The following SIL1 variants were observed in gnomAD, a reference collection of about 807,000 sequenced individuals.
The protein encoded by SIL1 is nucleotide exchange factor SIL1.
Under a neutral mutation model 49.1 loss-of-function variants are expected in SIL1, and 40 were observed. That is an observed-to-expected ratio of 0.81 (90% CI 0.63 to 1.06). SIL1 has a LOEUF of 1.06. SIL1 is among the 50% of genes least tolerant of loss of function. The probability of loss-of-function intolerance (pLI) is 0.00; values close to 1 mark genes in which losing one functional copy is unlikely to be tolerated. For synonymous variants in SIL1, 253 were observed against 250.8 expected, an observed-to-expected ratio of 1.01 and a Z score of -0.08; for missense variants, 500 against 572.6, an observed-to-expected ratio of 0.87 and a Z score of 1.29.
At chr5:139,089,532 T>TAA (rs35828495) in intron 3 of SIL1, among the ~76,000 whole-genome samples, 1 of 151,708 alleles carries the variant, frequency 6.6e-6, no homozygotes, top group Non-Finnish European at 1.5e-5. Flanking sequence ...TTCTTTTTGT[T>TAA]AAAAAAGACA....
chr5:138,998,282 G>A (rs867658425), intron 7 of SIL1, among the ~76,000 whole-genome samples: 12 of 152,124 alleles, frequency 7.9e-5, no homozygotes, highest in Admixed American at 5.9e-4. Context: ...CCAGGCTCCA[G>A]TGATCCTCCT....
chr5:139,110,668 G>A lies in SIL1; in HGVS notation c.244+10367C>T, dbSNP rs75240276. On this transcript the variant is annotated intron_variant, in intron 3 of 9. Transcript: ENST00000394817. ...TCACAGAGCCCCTGCACACAAGGCTGTGCTTCATGTGGGCTCTTGACAGGC... is the reference window on the plus strand; with the variant it reads ...TCACAGAGCCCCTGCACACAAGGCTATGCTTCATGTGGGCTCTTGACAGGC... Among the ~76,000 whole-genome samples the A allele has an allele frequency of 3.2e-4, 48 of 152,380 alleles. No individual in the cohort carries two copies. In the East Asian group the frequency reaches 8.1e-3, roughly 26 times the overall value.
chr5:138,980,963 G>A (rs1767505062), intron 7 of SIL1, among the ~76,000 whole-genome samples: 2 of 152,186 alleles, frequency 1.3e-5, no homozygotes, highest in South Asian at 4.1e-4. Context: ...CCAGCACTTA[G>A]GGAGGCCGAG....
intron 3 of SIL1, among the ~76,000 whole-genome samples, chr5:139,118,686 G>A (rs1750535637): frequency 6.6e-6 from 1 of 152,166 alleles, no homozygotes; most frequent in Non-Finnish European, 1.5e-5. Context: ...GATGTGTTGG[G>A]AAGCTCCCAG....
At position 138,978,971 on chromosome 5, in the gene SIL1, T is replaced by C. The variant is rs890931577; in HGVS notation, c.768-27087A>G. On this transcript the variant is annotated intron_variant, in intron 7 of 9. Coordinates refer to ENST00000394817, the MANE Select transcript of SIL1 (RefSeq NM_022464.5). ...TAGATAAAAAGTCCCTTACCAGATA[T>C]ATGACTTGTAAAAATTTTCTCCCAT... 4.6e-5 allele frequency among the ~76,000 whole-genome samples: 7 copies of C among 152,334 alleles called. 1 individual carries two copies. Among genetic ancestry groups the C allele is most frequent in the East Asian group, 3.9e-4 (2 of 5,192 alleles).
chr5:139,049,434 C>A (rs536919041), intron 4 of SIL1, among the ~76,000 whole-genome samples: 6 of 152,246 alleles, frequency 3.9e-5, no homozygotes, highest in Non-Finnish European at 7.4e-5. Flanking sequence ...GCCTCGGCCT[C>A]CCAAAGTGCT....
At chr5:139,045,704 A>C (rs780253201) in intron 4 of SIL1, among the ~76,000 whole-genome samples, 1 of 152,188 alleles carries the variant, frequency 6.6e-6, no homozygotes, top group African/African-American at 2.4e-5. Context: ...TCTTCTCCTT[A>C]TAAGTCTGTC....
intron 1 of SIL1, among the ~76,000 whole-genome samples, chr5:139,153,850 C>T (rs1158946542): frequency 1.3e-5 from 2 of 152,158 alleles, no homozygotes; most frequent in Non-Finnish European, 1.5e-5. Flanking sequence ...TTTCCCAGTG[C>T]TCCTCTTTCC....
At chr5:139,043,850 G>A (rs1769097514) in intron 4 of SIL1, among the ~76,000 whole-genome samples, 1 of 152,200 alleles carries the variant, frequency 6.6e-6, no homozygotes, top group African/African-American at 2.4e-5. Flanking sequence ...TATGGAATGT[G>A]CTTAACAAGA....
intron 1 of SIL1, among the ~76,000 whole-genome samples, chr5:139,129,815 T>G (rs1750824821): frequency 6.6e-6 from 1 of 152,206 alleles, no homozygotes; most frequent in African/African-American, 2.4e-5. Flanking sequence ...GACCTTGGAT[T>G]TAGCACTGGT....
chr5:139,153,590 C>T (rs778986186), intron 1 of SIL1, among the ~76,000 whole-genome samples: 1 of 152,212 alleles, frequency 6.6e-6, no homozygotes, highest in Non-Finnish European at 1.5e-5. Context: ...CTTGCCTCCA[C>T]AGACCCCTCA....
chr5:139,144,088 G>C lies in SIL1; in HGVS notation c.-10-16235C>G, dbSNP rs1751146213. On this transcript the variant is annotated intron_variant, in intron 1 of 9. Transcript: ENST00000394817. ...CTTTCAAAATTCCAGTGGATTTTTTGCAGAAATGGAAAAACCCATCCTAAA... is the reference window on the plus strand; with the variant it reads ...CTTTCAAAATTCCAGTGGATTTTTTCCAGAAATGGAAAAACCCATCCTAAA... 3.3e-5 allele frequency among the ~76,000 whole-genome samples: 5 copies of C among 152,134 alleles called. 1 individual carries two copies. The South Asian group carries it at 1.0e-3, about 32-fold the overall frequency.
chr5:138,966,997 TGTGA>T (rs1374437253), intron 7 of SIL1, among the ~76,000 whole-genome samples: 1 of 152,234 alleles, frequency 6.6e-6, no homozygotes, highest in African/African-American at 2.4e-5. Context: ...ATGGACCTGC[TGTGA>T]GTATCGAGTG....
intron 4 of SIL1, among the ~76,000 whole-genome samples, chr5:139,047,406 T>C (rs1428460023): frequency 1.3e-5 from 2 of 152,196 alleles, no homozygotes; most frequent in African/African-American, 2.4e-5. Context: ...CCCACAAGCA[T>C]TGCAGCTCTA....
intron 1 of SIL1, among the ~76,000 whole-genome samples, chr5:139,169,776 C>A (rs1232386220): frequency 6.6e-6 from 1 of 151,640 alleles, no homozygotes; most frequent in Non-Finnish European, 1.5e-5. Context: ...CCACCACGCC[C>A]GGCCCAAGTA....
rs535416851 is a variant in SIL1 at position 139,150,612 on chromosome 5, T to C, written c.-10-22759A>G. On this transcript the variant is annotated intron_variant, in intron 1 of 9. Transcript: ENST00000394817. ...AAGGCACATGGCTTTGACGAATCTC[T>C]CATTTGCTCAACTCAGGGTTTCTGG... 2.4e-3 allele frequency among the ~76,000 whole-genome samples: 367 copies of C among 152,184 alleles called. 2 individuals are homozygous for C. Among genetic ancestry groups the C allele is most frequent in the African/African-American group, 8.2e-3 (340 of 41,482 alleles).
chr5:139,164,427 G>A (rs1252915535), intron 1 of SIL1, among the ~76,000 whole-genome samples: 1 of 152,082 alleles, frequency 6.6e-6, no homozygotes, highest in Non-Finnish European at 1.5e-5. Flanking sequence ...ACAGATTGAG[G>A]CCTGACTCCA....
chr5:139,152,979 C>T (rs900256228), intron 1 of SIL1, among the ~76,000 whole-genome samples: 8 of 152,090 alleles, frequency 5.3e-5, no homozygotes, highest in Non-Finnish European at 1.2e-4. Flanking sequence ...CCACCACGCC[C>T]GGCTAATTTT....
chr5:139,001,774 G>A (rs545286745), intron 7 of SIL1, among the ~76,000 whole-genome samples: 8 of 152,086 alleles, frequency 5.3e-5, no homozygotes, highest in South Asian at 2.1e-4. Flanking sequence ...GCGTGGTGGC[G>A]GGCGCCTATA....
Sources: allele counts gnomAD v4.1 joint callset (sites outside exome capture counted in the v4.1 genomes callset), GRCh38; gene constraint gnomAD v4.1.1; transcripts MANE v1.5; gene names NCBI Gene and HGNC (gene_info 2026-07-23, HGNC 2026-07-21).